The following TAF4B variants were observed in gnomAD, a reference collection of about 807,000 sequenced individuals.
TAF4B encodes the protein transcription initiation factor TFIID subunit 4B.
In TAF4B, 38 loss-of-function variants were observed where a neutral mutation model predicts 86.4. That is an observed-to-expected ratio of 0.44 (90% CI 0.34 to 0.58). The LOEUF is 0.58. Ranked by LOEUF, TAF4B falls within the 20% of genes least tolerant of loss-of-function variation. TAF4B has a pLI of 0.02. For missense variants in TAF4B, 988 were observed against 1,027.6 expected (o/e 0.96, Z 0.53); for synonymous variants, 388 against 391.2 (o/e 0.99, Z 0.10).
intron 11 of TAF4B, among the ~76,000 whole-genome samples, chr18:26,322,474 A>G (rs941934124): frequency 6.6e-6 from 1 of 152,034 alleles, no homozygotes; most frequent in African/African-American, 2.4e-5. Context: ...AAAGATATTA[A>G]TTTTGTGTTT....
intron 5 of TAF4B, among the ~76,000 whole-genome samples, chr18:26,279,813 A>G (rs994609500): frequency 3.9e-5 from 6 of 152,292 alleles, no homozygotes; most frequent in Middle Eastern, 3.4e-3. Flanking sequence ...AGGCTGAGGC[A>G]GGTGGATCGC....
chr18:26,294,157 C>T (rs913630177), intron 9 of TAF4B, among the ~76,000 whole-genome samples: 1 of 151,946 alleles, frequency 6.6e-6, no homozygotes. Context: ...ATTGATGAGT[C>T]ATTAGGTAAG....
chr18:26,388,671 T>C (rs953265670), intron 14 of TAF4B, among the ~76,000 whole-genome samples: 1 of 152,204 alleles, frequency 6.6e-6, no homozygotes, highest in African/African-American at 2.4e-5. Context: ...AGAGGAGCCA[T>C]GTGGCTGCAG....
chr18:26,337,428 T>C (rs570881019), intron 13 of TAF4B, among the ~76,000 whole-genome samples: 23 of 146,864 alleles, frequency 1.6e-4, no homozygotes, highest in South Asian at 8.9e-4. Context: ...TTCTTTCTTT[T>C]TTTTTTTTTT....
At chr18:26,360,775 A>C (rs2144737914) in intron 14 of TAF4B, among the ~76,000 whole-genome samples, 1 of 152,288 alleles carries the variant, frequency 6.6e-6, no homozygotes, top group South Asian at 2.1e-4. Flanking sequence ...GTATATCAAA[A>C]ATACAAATTC....
At chr18:26,234,263 C>T (rs1020690770) in intron 1 of TAF4B, among the ~76,000 whole-genome samples, 1 of 152,212 alleles carries the variant, frequency 6.6e-6, no homozygotes, top group Non-Finnish European at 1.5e-5. Flanking sequence ...CTGACGGTTT[C>T]CTTCTGCCTT....
intron 14 of TAF4B, among the ~76,000 whole-genome samples, chr18:26,387,659 C>T (rs570006095): frequency 4.6e-5 from 7 of 152,192 alleles, no homozygotes; most frequent in Non-Finnish European, 1.0e-4. Context: ...GCAGAAGTGG[C>T]GAGAGACTGG....
intron 14 of TAF4B, among the ~76,000 whole-genome samples, 198 bp downstream of exon 14, chr18:26,357,992 T>C (rs919062148): frequency 2.0e-5 from 3 of 152,222 alleles, no homozygotes; most frequent in African/African-American, 7.2e-5. Flanking sequence ...TTGTTACTTA[T>C]TTCATACTAC....
chr18:26,265,604 G>A (rs148150060), intron 2 of TAF4B, among the ~76,000 whole-genome samples: 1 of 152,300 alleles, frequency 6.6e-6, no homozygotes, highest in Non-Finnish European at 1.5e-5. Flanking sequence ...CCAGGCTGGA[G>A]TACAATTGCG....
intron 9 of TAF4B, 69 bp from the exon 10 acceptor site, chr18:26,315,160 C>G (rs2056896708): frequency 1.7e-6 from 1 of 574,674 alleles, no homozygotes. Flanking sequence ...CTCTCTCTCT[C>G]TCACACACAC....
At chr18:26,285,345 G>A (rs1031755481) in intron 6 of TAF4B, among the ~76,000 whole-genome samples, 4 of 149,626 alleles carry the variant, frequency 2.7e-5, no homozygotes, top group Non-Finnish European at 4.4e-5. Context: ...GTGCCACCAC[G>A]CCTGACTAAT....
Position 26,293,423 on chromosome 18 carries a change from T to C in TAF4B, c.1727-3T>C, listed in dbSNP as rs1482971492. ...TCTATTTTTTCTTGTTTTGTTTTTA[T>C]AGCTTCCATTCTAAAGCAAATTACT... On this transcript the variant is annotated splice_polypyrimidine_tract_variant and splice_region_variant and intron_variant, in intron 8 of 14. Coordinates refer to ENST00000269142, the MANE Select transcript of TAF4B (RefSeq NM_005640.3). The C allele has an allele frequency of 6.3e-7, 1 of 1,585,080 alleles. No individual in the cohort carries two copies. Among genetic ancestry groups the C allele is most frequent in the African/African-American group, 1.4e-5 (1 of 73,456 alleles).
In TAF4B at chr18:26,315,329, C is replaced by T. The variant is rs1342483882; in HGVS notation, c.1933C>T (p.Leu645Phe). ...LATNSELVGT[L>F]IQSCKDEPFL... The stretch of plus-strand genomic sequence containing the variant: ...AACAAACTCTGAATTGGTTGGCACA[C>T]TCATTCAGTCATGTAAAGATGAACC... Residue 645 changes from leucine to phenylalanine, a missense_variant, in exon 10 of 15, where the codon CTC (leucine) becomes TTC (phenylalanine). By Grantham distance (22) the Leu-to-Phe change is conservative. This residue lies in a region of TAF4B where 25 missense variants were observed against 51.3 expected (regional missense o/e 0.49). Coordinates refer to ENST00000269142, the MANE Select transcript of TAF4B (RefSeq NM_005640.3). 3 of 1,613,598 alleles carry T rather than the reference C, an allele frequency of 1.9e-6. No homozygotes were observed. The highest frequency in any genetic ancestry group is 4.5e-5 in the East Asian group (2 of 44,834).
intron 14 of TAF4B, among the ~76,000 whole-genome samples, chr18:26,385,977 A>G (rs947905536): frequency 5.9e-5 from 9 of 152,218 alleles, no homozygotes; most frequent in African/African-American, 2.2e-4. Context: ...TGCCAAATCA[A>G]AGCTCAGGAA....
chr18:26,388,027 T>A lies in TAF4B; in HGVS notation c.2422-1818T>A, dbSNP rs574912165. On this transcript the variant is annotated intron_variant, in intron 14 of 14. Transcript: ENST00000269142. ...AAAGGTGGAAGGAGTAATTAAAATT[T>A]AATTGTTATAAAAGGACAGTAACAG... Among the ~76,000 whole-genome samples the A allele has an allele frequency of 2.6e-5, 4 of 152,314 alleles. No homozygotes were observed. In the South Asian group the frequency reaches 8.3e-4, roughly 32 times the overall value.
At chr18:26,227,945 G>T (rs970909209) in intron 1 of TAF4B, among the ~76,000 whole-genome samples, 3 of 152,202 alleles carry the variant, frequency 2.0e-5, no homozygotes, top group Non-Finnish European at 4.4e-5. Flanking sequence ...AATGTCTTAT[G>T]ATTCTAACTT....
intron 9 of TAF4B, among the ~76,000 whole-genome samples, chr18:26,301,446 C>T (rs2056732798): frequency 1.3e-5 from 2 of 152,054 alleles, no homozygotes; most frequent in African/African-American, 4.8e-5. Context: ...GCCACTATGC[C>T]TAGCTAGCTT....
At chr18:26,380,815 A>G (rs1168543545) in intron 14 of TAF4B, among the ~76,000 whole-genome samples, 1 of 151,762 alleles carries the variant, frequency 6.6e-6, no homozygotes, top group Non-Finnish European at 1.5e-5. Context: ...TTTTTACCAG[A>G]ATGAGAATTC....
At chr18:26,260,655 T>A (rs1448930309) in intron 1 of TAF4B, among the ~76,000 whole-genome samples, 2 of 152,210 alleles carry the variant, frequency 1.3e-5, no homozygotes, top group African/African-American at 4.8e-5. Context: ...TTCATCATTC[T>A]TTTTGTTCTT....
Sources: gnomAD v4.1 joint callset for allele counts (sites outside exome capture counted in the v4.1 genomes callset) on GRCh38, gnomAD v4.1.1 for gene constraint, gnomAD v4.1.1 regional missense constraint, MANE v1.5 for transcripts, NCBI Gene and HGNC (gene_info 2026-07-23, HGNC 2026-07-21) for gene names.